The following MAP2K1 variants were observed in gnomAD, a reference collection of about 807,000 sequenced individuals.
MAP2K1 encodes the protein mitogen-activated protein kinase kinase 1.
In MAP2K1, 16 loss-of-function variants were observed where a neutral mutation model predicts 46.3. The observed-to-expected ratio is 0.35, with a 90% CI of 0.23 to 0.52. The LOEUF (loss-of-function observed/expected upper bound fraction) is 0.52. Ranked by LOEUF, MAP2K1 falls within the 20% of genes least tolerant of loss-of-function variation. The probability of loss-of-function intolerance (pLI) is 0.94; values close to 1 mark genes in which losing one functional copy is unlikely to be tolerated. For missense variants in MAP2K1, 263 were observed against 497.1 expected, an observed-to-expected ratio of 0.53 and a Z score of 4.48; for synonymous variants, 183 against 185.6, an observed-to-expected ratio of 0.99 and a Z score of 0.11.
At chr15:66,464,293 AG>A (rs1892406459) in intron 5 of MAP2K1, among the ~76,000 whole-genome samples, 1 of 152,130 alleles carries the variant, frequency 6.6e-6, no homozygotes, top group African/African-American at 2.4e-5. Context: ...AGGGGGAGAA[AG>A]GGAGAAAAAC....
At chr15:66,471,320 T>G (rs780913937) in intron 5 of MAP2K1, among the ~76,000 whole-genome samples, 17 of 152,222 alleles carry the variant, frequency 1.1e-4, no homozygotes, top group Admixed American at 2.0e-4. Context: ...GCCATTGAAC[T>G]CTGACTTCTG....
intron 5 of MAP2K1, among the ~76,000 whole-genome samples, chr15:66,447,877 G>A (rs761649520): frequency 3.3e-5 from 5 of 151,530 alleles, no homozygotes; most frequent in South Asian, 2.1e-4. Flanking sequence ...CTCACCGGGC[G>A]TGGTGGCTCA....
In MAP2K1 at chr15:66,421,089, C is replaced by CAT. The variant is rs1363897463; in HGVS notation, c.81-13937_81-13936insTA. On this transcript the variant is annotated intron_variant, in intron 1 of 10. Transcript: ENST00000307102. Reference sequence around the variant, plus strand: ...ACACACACATATATACACATACACACACATACACACACACACACACACACA... The same window carrying CAT: ...ACACACACATATATACACATACACACATACATACACACACACACACACACACA... Among the ~76,000 whole-genome samples, 136 of 57,210 alleles carry CAT rather than the reference C, an allele frequency of 2.4e-3. 1 individual carries two copies. Among genetic ancestry groups the CAT allele is most frequent in the African/African-American group, 0.011 (132 of 12,444 alleles). The allele number at this position is 57,210 out of a possible 152,430, so 37.5% of individuals were successfully genotyped here. A position where few individuals can be genotyped will look rare whatever the true frequency, so the allele number is the denominator to read the frequency against.
intron 5 of MAP2K1, among the ~76,000 whole-genome samples, chr15:66,471,815 C>A (rs1324896356): frequency 2.0e-5 from 3 of 152,098 alleles, no homozygotes; most frequent in African/African-American, 7.2e-5. Flanking sequence ...CATGGTGGCT[C>A]ACCCTATAAT....
chr15:66,401,348 C>T (rs878857236), intron 1 of MAP2K1, among the ~76,000 whole-genome samples: 2 of 152,134 alleles, frequency 1.3e-5, no homozygotes, highest in Non-Finnish European at 2.9e-5. Flanking sequence ...TATATTTCAA[C>T]TGTTTCCTCA....
At chr15:66,443,670 A>C (rs1027496579) in intron 4 of MAP2K1, among the ~76,000 whole-genome samples, 1 of 151,966 alleles carries the variant, frequency 6.6e-6, no homozygotes, top group Non-Finnish European at 1.5e-5. Flanking sequence ...CAGGAGTTCA[A>C]CTCCAGCCTG....
intron 1 of MAP2K1, among the ~76,000 whole-genome samples, chr15:66,420,899 A>ATGTG (rs1491372510): frequency 1.3e-4 from 14 of 108,656 alleles, no homozygotes; most frequent in African/African-American, 4.0e-4. Flanking sequence ...ATATACACAT[A>ATGTG]CATACATACA....
At chr15:66,448,986 A>G in intron 5 of MAP2K1, among the ~76,000 whole-genome samples, 1 of 119,814 alleles carries the variant, frequency 8.3e-6, no homozygotes, top group South Asian at 3.0e-4. Flanking sequence ...CCCAGGCAAC[A>G]GTGTGAGACA....
intron 5 of MAP2K1, among the ~76,000 whole-genome samples, chr15:66,452,993 C>CATGG (rs1025029639): frequency 6.6e-5 from 10 of 152,124 alleles, no homozygotes; most frequent in Non-Finnish European, 1.0e-4. Flanking sequence ...AGGTTTGTTA[C>CATGG]ATGGATGGAT....
Position 66,424,791 on chromosome 15 carries a change from C to CTTT in MAP2K1, c.81-10215_81-10213dup, listed in dbSNP as rs58738231. Among the ~76,000 whole-genome samples the CTTT allele has an allele frequency of 8.7e-3, 709 of 81,940 alleles. 1 individual carries two copies. Among genetic ancestry groups the CTTT allele is most frequent in the Non-Finnish European group, 0.012 (545 of 44,198 alleles). 53.8% of individuals were successfully genotyped at this position (81,940 alleles called of 152,430 possible). ...CTCATTGTCTTGATCCAATCTCAAT[C>CTTT]TTTTTTTTTTTTTTTTTTTTTTTGC... On this transcript the variant is annotated intron_variant, in intron 1 of 10. Transcript: ENST00000307102.
At chr15:66,397,276 TA>T (rs1471452509) in intron 1 of MAP2K1, among the ~76,000 whole-genome samples, 1 of 152,204 alleles carries the variant, frequency 6.6e-6, no homozygotes, top group East Asian at 1.9e-4. Context: ...GTGCTGGGAT[TA>T]CAGGCGTGAG....
In MAP2K1 at chr15:66,390,564, C is replaced by T. The variant is rs553817140; in HGVS notation, c.80+3137C>T. On this transcript the variant is annotated intron_variant, in intron 1 of 10. Coordinates refer to ENST00000307102, the MANE Select transcript of MAP2K1 (RefSeq NM_002755.4). Reference sequence around the variant, plus strand: ...GGTAATACGGGACCTGAAGTTGATGCAAGTTGTAGGGGTCCTCAAAGAAAA... The same window carrying T: ...GGTAATACGGGACCTGAAGTTGATGTAAGTTGTAGGGGTCCTCAAAGAAAA... Among the ~76,000 whole-genome samples, 3 of 152,252 alleles carry T rather than the reference C, an allele frequency of 2.0e-5. No individual in the cohort carries two copies. In the East Asian group the frequency reaches 5.8e-4, roughly 29 times the overall value.
intron 5 of MAP2K1, chr15:66,453,693 TG>T (rs1892094402): frequency 1.7e-6 from 1 of 595,108 alleles, no homozygotes. Context: ...TTTATTCTTC[TG>T]TCCTTGAGGA....
intron 5 of MAP2K1, among the ~76,000 whole-genome samples, chr15:66,472,820 G>T (rs1892672283): frequency 6.6e-6 from 1 of 152,128 alleles, no homozygotes; most frequent in South Asian, 2.1e-4. Context: ...GGCACAAATG[G>T]GGAGGCCATA....
At chr15:66,480,718 A>G (rs1217387641) in intron 5 of MAP2K1, among the ~76,000 whole-genome samples, 1 of 152,072 alleles carries the variant, frequency 6.6e-6, no homozygotes, top group Non-Finnish European at 1.5e-5. Context: ...CTATATTATG[A>G]CTATTAATAT....
At chr15:66,388,533 G>C (rs1249915777) in intron 1 of MAP2K1, among the ~76,000 whole-genome samples, 1 of 152,104 alleles carries the variant, frequency 6.6e-6, no homozygotes, top group Non-Finnish European at 1.5e-5. Flanking sequence ...CCTTTCTCTA[G>C]ATTTTTAGAA....
intron 3 of MAP2K1, among the ~76,000 whole-genome samples, chr15:66,437,752 G>A (rs986708062): frequency 1.3e-5 from 2 of 152,208 alleles, no homozygotes; most frequent in African/African-American, 2.4e-5. Context: ...TAATGATCAC[G>A]AAGTGCTGCA....
chr15:66,423,991 G>A lies in MAP2K1; in HGVS notation c.81-11036G>A, dbSNP rs1319246826. Among the ~76,000 whole-genome samples the A allele has an allele frequency of 2.0e-5, 3 of 152,044 alleles. No individual in the cohort carries two copies. The South Asian group carries it at 6.2e-4, about 32-fold the overall frequency. ...TGGTCTGGAACTCCTGACCTCAGGT[G>A]ATCCACCTGCCTTGGCCTCCCAAAG... is the stretch of plus-strand genomic sequence containing the variant. On this transcript the variant is annotated intron_variant, in intron 1 of 10. Coordinates refer to ENST00000307102, the MANE Select transcript of MAP2K1 (RefSeq NM_002755.4).
chr15:66,480,012 C>A (rs1204916282), intron 5 of MAP2K1, among the ~76,000 whole-genome samples: 1 of 152,046 alleles, frequency 6.6e-6, no homozygotes, highest in Non-Finnish European at 1.5e-5. Flanking sequence ...TCAAGTGATT[C>A]TCCTGCCTCA....
Sources: gnomAD v4.1 joint callset for allele counts (sites outside exome capture counted in the v4.1 genomes callset) on GRCh38, gnomAD v4.1.1 for gene constraint, MANE v1.5 for transcripts, NCBI Gene and HGNC (gene_info 2026-07-23, HGNC 2026-07-21) for gene names.